Variants in FNDC3B observed in about 807,000 individuals in gnomAD.
The protein encoded by FNDC3B is fibronectin type III domain containing 3B, also known as fibronectin type III domain-containing protein 3B.
In FNDC3B, 12 loss-of-function variants were observed where a neutral mutation model predicts 151.5. The observed-to-expected ratio is 0.08, with a 90% CI of 0.05 to 0.13. FNDC3B has a LOEUF of 0.13. Ranked by LOEUF, FNDC3B falls within the 10% of genes least tolerant of loss-of-function variation. The probability of loss-of-function intolerance (pLI) is 1.00; values close to 1 mark genes in which losing one functional copy is unlikely to be tolerated. For missense variants in FNDC3B, 1,214 were observed against 1,505.3 expected (o/e 0.81, Z 3.20); for synonymous variants, 528 against 549.0 (o/e 0.96, Z 0.54).
chr3:172,072,377 CT>C (rs1430693749), intron 1 of FNDC3B, among the ~76,000 whole-genome samples: 1 of 151,506 alleles, frequency 6.6e-6, no homozygotes, highest in Non-Finnish European at 1.5e-5. Flanking sequence ...CATTTTGTGG[CT>C]ATCAGTATCT....
At chr3:172,123,315 C>A (rs115868675) in intron 2 of FNDC3B, among the ~76,000 whole-genome samples, 1,528 of 152,268 alleles carry the variant, frequency 0.01, 9 homozygotes, top group Non-Finnish European at 0.015. Context: ...TGGGATTACA[C>A]AGGTGTGACC....
At chr3:172,311,402 C>T (rs1297939273) in intron 11 of FNDC3B, among the ~76,000 whole-genome samples, 1 of 152,032 alleles carries the variant, frequency 6.6e-6, no homozygotes, top group Non-Finnish European at 1.5e-5. Context: ...TCGGATGCCC[C>T]CCTTGCTGTT....
intron 9 of FNDC3B, among the ~76,000 whole-genome samples, chr3:172,299,039 C>A (rs1341381457): frequency 6.6e-6 from 1 of 152,172 alleles, no homozygotes; most frequent in Non-Finnish European, 1.5e-5. Flanking sequence ...TTTACATGGT[C>A]TTCTAAGATC....
intron 3 of FNDC3B, among the ~76,000 whole-genome samples, chr3:172,145,378 TG>T (rs1405831326): frequency 6.6e-6 from 1 of 152,218 alleles, no homozygotes; most frequent in East Asian, 1.9e-4. Context: ...AATGTTATTC[TG>T]TGTTAGAGAA....
At chr3:172,171,151 AAC>A (rs1021999837) in intron 3 of FNDC3B, among the ~76,000 whole-genome samples, 1 of 152,194 alleles carries the variant, frequency 6.6e-6, no homozygotes, top group African/African-American at 2.4e-5. Flanking sequence ...CATTATTTCA[AAC>A]TGAAGTTGCT....
rs1189384935 is a variant in FNDC3B at position 172,247,638 on chromosome 3, C to G, written c.370C>G (p.Pro124Ala). 10 of 1,614,114 alleles carry G rather than the reference C, an allele frequency of 6.2e-6. No individual in the cohort carries two copies. The South Asian group carries it at 9.9e-5, about 16-fold the overall frequency. The change falls in exon 5 of 26, where the codon CCT becomes GCT. Residue 124 changes from proline to alanine, a missense_variant. Pro to Ala is a conservative substitution (Grantham distance 27, BLOSUM62 -1). Around this residue, in one of 7 missense-constraint regions of FNDC3B, gnomAD observed 113 missense variants for 177.8 expected, o/e 0.64. Coordinates refer to ENST00000415807, the MANE Select transcript of FNDC3B (RefSeq NM_022763.4). ...AGCCATGTCTCCAACCCATCATCTC[C>G]CTCCCTATCTGACTCACCATCCACA... ...PSAMSPTHHL[P>A]PYLTHHPHFI...
intron 11 of FNDC3B, among the ~76,000 whole-genome samples, chr3:172,325,449 T>C (rs889513993): frequency 6.6e-6 from 1 of 152,382 alleles, no homozygotes; most frequent in Non-Finnish European, 1.5e-5. Context: ...ACATTCACTT[T>C]ATCACTCCTG....
intron 3 of FNDC3B, among the ~76,000 whole-genome samples, chr3:172,207,321 C>T (rs1288346129): frequency 6.6e-6 from 1 of 152,140 alleles, no homozygotes; most frequent in Non-Finnish European, 1.5e-5. Context: ...ATATTATTAG[C>T]ACTTTCTCCA....
At chr3:172,169,929 C>A (rs1013549033) in intron 3 of FNDC3B, among the ~76,000 whole-genome samples, 1 of 152,114 alleles carries the variant, frequency 6.6e-6, no homozygotes, top group Admixed American at 6.5e-5. Flanking sequence ...CTAAGGGAAC[C>A]TAAAAGCCAC....
At chr3:172,375,157 G>C (rs1735071497) in intron 23 of FNDC3B, among the ~76,000 whole-genome samples, 3 of 152,130 alleles carry the variant, frequency 2.0e-5, no homozygotes, top group African/African-American at 7.2e-5. Flanking sequence ...TTTTAATAAT[G>C]TGCCAACTTG....
At chr3:172,341,522 CA>C (rs1224071018) in intron 17 of FNDC3B, among the ~76,000 whole-genome samples, 3 of 150,612 alleles carry the variant, frequency 2.0e-5, no homozygotes, top group Non-Finnish European at 4.4e-5. Flanking sequence ...CTGGAATTTG[CA>C]TTGACTAAAT....
chr3:172,199,119 A>G (rs7644253), intron 3 of FNDC3B, among the ~76,000 whole-genome samples: 150,907 of 152,094 alleles, frequency 0.99, 74,906 homozygotes, highest in Middle Eastern at 1. Context: ...GTAAGCCACC[A>G]TGCTTGGCCC....
intron 1 of FNDC3B, among the ~76,000 whole-genome samples, chr3:172,084,854 T>A (rs1179046923): frequency 1.3e-5 from 2 of 152,264 alleles, no homozygotes; most frequent in South Asian, 4.1e-4. Flanking sequence ...TTTTCTTGCA[T>A]ACTACATAAT....
At chr3:172,075,724 A>AACACACACAC (rs57920659) in intron 1 of FNDC3B, among the ~76,000 whole-genome samples, 13 of 146,956 alleles carry the variant, frequency 8.8e-5, no homozygotes, top group African/African-American at 2.3e-4. Context: ...TAGCCCAGTA[A>AACACACACAC]ACACACACAC....
intron 13 of FNDC3B, 86 bp from the exon 14 acceptor site, chr3:172,333,003 A>T: frequency 1.2e-6 from 1 of 849,210 alleles, no homozygotes; most frequent in Non-Finnish European, 2.1e-6. Flanking sequence ...ATGGTAGGGA[A>T]AGGCAGTATA....
chr3:172,193,835 A>ACACC (rs1376359590), intron 3 of FNDC3B, among the ~76,000 whole-genome samples: 1 of 152,192 alleles, frequency 6.6e-6, no homozygotes, highest in Non-Finnish European at 1.5e-5. Flanking sequence ...CTTTTTAATA[A>ACACC]CTAAAGTGTT....
At chr3:172,341,345 T>C (rs1412149982) in intron 17 of FNDC3B, 114 bp downstream of exon 17, 2 of 779,358 alleles carry the variant, frequency 2.6e-6, no homozygotes, top group Non-Finnish European at 4.6e-6. Context: ...TGCAACCTAA[T>C]AGTATCATGT....
intron 1 of FNDC3B, among the ~76,000 whole-genome samples, chr3:172,068,223 A>G (rs2108482720): frequency 6.6e-6 from 1 of 152,308 alleles, no homozygotes; most frequent in South Asian, 2.1e-4. Flanking sequence ...GTTCACCTTT[A>G]TATCCCCAGG....
intron 3 of FNDC3B, among the ~76,000 whole-genome samples, chr3:172,188,858 C>T (rs1479864469): frequency 6.6e-6 from 1 of 152,206 alleles, no homozygotes; most frequent in Non-Finnish European, 1.5e-5. Flanking sequence ...GCTTCCTGCA[C>T]TGCTCCCCAG....
Sources: gnomAD v4.1 joint callset for allele counts (sites outside exome capture counted in the v4.1 genomes callset) on GRCh38, gnomAD v4.1.1 for gene constraint, gnomAD v4.1.1 regional missense constraint, MANE v1.5 for transcripts, NCBI Gene and HGNC (gene_info 2026-07-23, HGNC 2026-07-21) for gene names.